TLR4: variants seen among roughly 807,000 people sequenced by gnomAD.
The protein encoded by TLR4 is toll-like receptor 4.
A neutral mutation model predicts 27.4 loss-of-function variants in TLR4; 17 were observed. The ratio of observed to expected loss-of-function variants is 0.62; its 90% CI spans 0.42 to 0.93. TLR4 has a LOEUF of 0.93. TLR4 is among the 40% of genes least tolerant of loss of function. The pLI is 0.00. For missense variants in TLR4, 926 were observed against 962.3 expected (o/e 0.96, Z 0.50); for synonymous variants, 363 against 365.7 (o/e 0.99, Z 0.08).
chr9:117,708,792 T>C, intron 2 of TLR4, 63 bp downstream of exon 2: 2 of 1,602,380 alleles, frequency 1.2e-6, no homozygotes, highest in Non-Finnish European at 1.7e-6. Context: ...CATTTCATTA[T>C]TGGACTGGAA....
rs1458558039 is a variant in TLR4, at chr9:117,708,559, G to A, written c.94-4G>A. On this transcript the variant is annotated splice_region_variant and splice_polypyrimidine_tract_variant and intron_variant, in intron 1 of 2. Transcript: ENST00000355622. Reference sequence around the variant, plus strand: ...ATACTTCATGTCATGTGTAATCATTGCAGGTGGTTCCTAATATTACTTATC... The same window carrying A: ...ATACTTCATGTCATGTGTAATCATTACAGGTGGTTCCTAATATTACTTATC... The A allele has an allele frequency of 2.5e-6, 4 of 1,613,580 alleles. No individual in the cohort carries two copies. Among genetic ancestry groups the A allele is most frequent in the African/African-American group, 1.3e-5 (1 of 74,894 alleles).
In TLR4 at chr9:117,712,856, T is replaced by A; in HGVS notation, c.728T>A (p.Met243Lys). Residue 243 changes from methionine (M) to lysine (K), a missense_variant, in exon 3 of 3, where the codon ATG becomes AAG. By Grantham distance (95) the Met-to-Lys change is moderately conservative (BLOSUM62 -1). Transcript: ENST00000355622. ...AATAATTTTGATAGTTTAAATGTAA[T>A]GAAAACTTGTATTCAAGGTCTGGCT... ...LRNNFDSLNVMKTCIQGLAGL... is the reference protein window; with the variant it reads ...LRNNFDSLNVKKTCIQGLAGL... The A allele has an allele frequency of 1.9e-6, 3 of 1,614,042 alleles. No homozygotes were observed. The highest frequency in any genetic ancestry group is 2.5e-6 in the Non-Finnish European group (3 of 1,179,978).
Position 117,715,678 on chromosome 9 carries a change from T to G in TLR4, c.*1030T>G, listed in dbSNP as rs1225565556. The G allele has an allele frequency of 6.6e-6, 1 of 152,162 alleles. No homozygotes were observed. The highest frequency in any genetic ancestry group is 1.5e-5 in the Non-Finnish European group (1 of 68,040). The allele number at this position is 152,162 out of a possible 1,614,324, so 9.4% of individuals were successfully genotyped here. The stretch of plus-strand genomic sequence containing the variant: ...GAGTTGCAGCAGAAGTTTATTTTTT[T>G]CAGAACAAGTGATGTTTGATGGACC... On this transcript the variant is annotated 3_prime_UTR_variant, in exon 3 of 3. Transcript: ENST00000355622.
chr9:117,705,540 C>T (rs902832408), intron 1 of TLR4, among the ~76,000 whole-genome samples: 7 of 152,254 alleles, frequency 4.6e-5, no homozygotes, highest in African/African-American at 9.6e-5. Flanking sequence ...AGGCTCACTG[C>T]GAGATAAAAC....
At position 117,704,519 on chromosome 9, in the gene TLR4, C is replaced by T; in HGVS notation, c.47C>T (p.Ala16Val). 21 of 1,613,874 alleles carry T rather than the reference C, an allele frequency of 1.3e-5. No individual in the cohort carries two copies. The highest frequency in any genetic ancestry group is 1.8e-5 in the Non-Finnish European group (21 of 1,179,954). Residue 16 changes from alanine to valine, a missense_variant, in exon 1 of 3, where the codon GCC becomes GTC. Ala to Val is a moderately conservative substitution (Grantham distance 64). Transcript: ENST00000355622. ...RLAGTLIPAM[A>V]FLSCVRPESW... ...GCTGGGACTCTGATCCCAGCCATGG[C>T]CTTCCTCTCCTGCGTGAGACCAGAA...
rs758304133 is a variant in TLR4, at chr9:117,713,531, A to G, written c.1403A>G (p.Asn468Ser). 2 of 1,614,108 alleles carry G rather than the reference A, an allele frequency of 1.2e-6. No homozygotes were observed. Among genetic ancestry groups the G allele is most frequent in the Non-Finnish European group, 1.7e-6 (2 of 1,180,020 alleles). Residue 468 changes from asparagine (N) to serine (S), a missense_variant, in exon 3 of 3, where the codon AAT becomes AGT. Coordinates refer to ENST00000355622, the MANE Select transcript of TLR4 (RefSeq NM_138554.5). The stretch of plus-strand genomic sequence containing the variant: ...AGAGTTGCTTTCAATGGCATCTTCA[A>G]TGGCTTGTCCAGTCTCGAAGTCTTG... ...HTRVAFNGIF[N>S]GLSSLEVLKM...
In TLR4 at chr9:117,723,023, A is replaced by G. The variant is rs1395051932; in HGVS notation, c.*8375A>G. On this transcript the variant is annotated 3_prime_UTR_variant, in exon 3 of 3. Coordinates refer to ENST00000355622, the MANE Select transcript of TLR4 (RefSeq NM_138554.5). The stretch of plus-strand genomic sequence containing the variant: ...TTGGAAAAATTTTGAAGGTGTCACA[A>G]GAAAGATTGGCAGTCAGAAAGGAAT... The G allele has an allele frequency of 6.6e-6, 1 of 152,234 alleles. No homozygotes were observed. The highest frequency in any genetic ancestry group is 1.5e-5 in the Non-Finnish European group (1 of 68,044). 9.4% of individuals were successfully genotyped at this position (152,234 alleles called of 1,614,324 possible).
At chr9:117,707,335 G>A (rs1829151163) in intron 1 of TLR4, among the ~76,000 whole-genome samples, 1 of 152,126 alleles carries the variant, frequency 6.6e-6, no homozygotes, top group African/African-American at 2.4e-5. Context: ...ATCTTTAAAT[G>A]CTTATTTGAA....
In TLR4 at chr9:117,717,932, C is replaced by A. The variant is rs11536898; in HGVS notation, c.*3284C>A. On this transcript the variant is annotated 3_prime_UTR_variant, in exon 3 of 3. Coordinates refer to ENST00000355622, the MANE Select transcript of TLR4 (RefSeq NM_138554.5). ...AAGAAAGAGTAAAGTCAGGCCTCAGCCAGCCTCTTTTTAGCTCTTTAAATC... is the reference window on the plus strand; with the variant it reads ...AAGAAAGAGTAAAGTCAGGCCTCAGACAGCCTCTTTTTAGCTCTTTAAATC... 21,573 of 152,054 alleles carry A rather than the reference C, an allele frequency of 0.14. 1,682 individuals are homozygous for A. The highest frequency in any genetic ancestry group is 0.21 in the African/African-American group (8,515 of 41,460). 9.4% of individuals were successfully genotyped at this position (152,054 alleles called of 1,614,324 possible).
rs1416070908 is a variant in TLR4 at position 117,722,789 on chromosome 9, T to C, written c.*8141T>C. On this transcript the variant is annotated 3_prime_UTR_variant, in exon 3 of 3. Coordinates refer to ENST00000355622, the MANE Select transcript of TLR4 (RefSeq NM_138554.5). Reference sequence around the variant, plus strand: ...GATCAGCATTTTCAAAAGTGTGACATGTTAGTAAATAAGATGATTTTATGT... The same window carrying C: ...GATCAGCATTTTCAAAAGTGTGACACGTTAGTAAATAAGATGATTTTATGT... 1 of 152,182 alleles carries C rather than the reference T, an allele frequency of 6.6e-6. No individual in the cohort carries two copies. Among genetic ancestry groups the C allele is most frequent in the Non-Finnish European group, 1.5e-5 (1 of 68,034 alleles). The allele number at this position is 152,182 out of a possible 1,614,324, so 9.4% of individuals were successfully genotyped here.
In TLR4 at chr9:117,723,654, G is replaced by T. The variant is rs949224041; in HGVS notation, c.*9006G>T. The T allele has an allele frequency of 2.0e-5, 3 of 152,070 alleles. No homozygotes were observed. The highest frequency in any genetic ancestry group is 4.4e-5 in the Non-Finnish European group (3 of 68,004). 9.4% of individuals were successfully genotyped at this position (152,070 alleles called of 1,614,324 possible). A position where few individuals can be genotyped will look rare whatever the true frequency, so the allele number is the denominator to read the frequency against. ...CTTTTGCCCCATGTTATAAACTCAA[G>T]AATATCTTCCATTTTGCCTACATAT... On this transcript the variant is annotated 3_prime_UTR_variant, in exon 3 of 3. Coordinates refer to ENST00000355622, the MANE Select transcript of TLR4 (RefSeq NM_138554.5).
At chr9:117,708,797 C>A in intron 2 of TLR4, 68 bp downstream of exon 2, 1 of 1,595,878 alleles carries the variant, frequency 6.3e-7, no homozygotes, top group Non-Finnish European at 8.6e-7. Context: ...CATTATTGGA[C>A]TGGAAAGCTT....
rs981483029 is a variant in TLR4, at chr9:117,708,639, A to G, written c.170A>G (p.Lys57Arg). 5.6e-6 allele frequency: 9 copies of G among 1,614,006 alleles called. No homozygotes were observed. The highest frequency in any genetic ancestry group is 3.3e-5 in the South Asian group (3 of 91,082). ...CCCGACAACCTCCCCTTCTCAACCA[A>G]GAACCTGGACCTGAGCTTTAATCCC... ...KIPDNLPFSTKNLDLSFNPLR... is the reference protein window; with the variant it reads ...KIPDNLPFSTRNLDLSFNPLR... The change falls in exon 2 of 3, where the codon AAG becomes AGG. Residue 57 changes from lysine to arginine, a missense_variant. Transcript: ENST00000355622.
At chr9:117,711,587 A>AT (rs1410786381) in intron 2 of TLR4, among the ~76,000 whole-genome samples, 1 of 152,052 alleles carries the variant, frequency 6.6e-6, no homozygotes, top group Non-Finnish European at 1.5e-5. Context: ...CATGGAAGCT[A>AT]TTTGTCATGA....
At chr9:117,708,080 G>A (rs1413088) in intron 1 of TLR4, 512,717 of 520,418 alleles carry the variant, frequency 0.99, 253,043 homozygotes, top group East Asian at 1. Flanking sequence ...CAATTTTAGT[G>A]TATGTGCTAC....
rs1194292799 is a variant in TLR4, at chr9:117,713,491, T to A, written c.1363T>A (p.Ser455Thr). Residue 455 changes from serine (S) to threonine (T), a missense_variant, in exon 3 of 3, where the codon TCT becomes ACT. Transcript: ENST00000355622. ...CAGAAACCTCATTTACCTTGACATTTCTCATACTCACACCAGAGTTGCTTT... is the reference window on the plus strand; with the variant it reads ...CAGAAACCTCATTTACCTTGACATTACTCATACTCACACCAGAGTTGCTTT... ...SLRNLIYLDI[S>T]HTHTRVAFNG... 6.2e-7 allele frequency: 1 copy of A among 1,614,094 alleles called. No individual in the cohort carries two copies. Among genetic ancestry groups the A allele is most frequent in the Admixed American group, 1.7e-5 (1 of 60,004 alleles).
rs199930089 is a variant in TLR4 at position 117,714,271 on chromosome 9, G to A, written c.2143G>A (p.Gly715Ser). The change falls in exon 3 of 3, where the codon GGT becomes AGT. Residue 715 changes from glycine to serine, a missense_variant. By Grantham distance (56) the Gly-to-Ser change is moderately conservative. Transcript: ENST00000355622. ...LCLHYRDFIPGVAIAANIIHE... is the reference protein window; with the variant it reads ...LCLHYRDFIPSVAIAANIIHE... ...CCTTCACTACAGAGACTTTATTCCCGGTGTGGCCATTGCTGCCAACATCAT... is the reference window on the plus strand; with the variant it reads ...CCTTCACTACAGAGACTTTATTCCCAGTGTGGCCATTGCTGCCAACATCAT... 74 of 1,595,260 alleles carry A rather than the reference G, an allele frequency of 4.6e-5. No individual in the cohort carries two copies. The East Asian group carries it at 7.0e-4, about 15-fold the overall frequency.
Position 117,714,827 on chromosome 9 carries a change from A to G in TLR4, c.*179A>G. On this transcript the variant is annotated 3_prime_UTR_variant, in exon 3 of 3. Coordinates refer to ENST00000355622, the MANE Select transcript of TLR4 (RefSeq NM_138554.5). The stretch of plus-strand genomic sequence containing the variant: ...GGAGCTTCCAGTGCAGAGGGAATAA[A>G]TGCTAGACTAAAATACAGAGTCTTC... 1 of 648,310 alleles carries G rather than the reference A, an allele frequency of 1.5e-6. No homozygotes were observed. Among genetic ancestry groups the G allele is most frequent in the Non-Finnish European group, 2.7e-6 (1 of 367,174 alleles). 40.2% of individuals were successfully genotyped at this position (648,310 alleles called of 1,614,324 possible). A position where few individuals can be genotyped will look rare whatever the true frequency, so the allele number is the denominator to read the frequency against.
chr9:117,713,686 T>A lies in TLR4; in HGVS notation c.1558T>A (p.Ser520Thr). Residue 520 changes from serine to threonine, a missense_variant, in exon 3 of 3, where the codon TCC (serine) becomes ACC (threonine). Coordinates refer to ENST00000355622, the MANE Select transcript of TLR4 (RefSeq NM_138554.5). The part of the protein sequence containing the change: ...QLSPTAFNSL[S>T]SLQVLNMSHN... ...GTCTCCAACAGCATTTAACTCACTC[T>A]CCAGTCTTCAGGTACTAAATATGAG... The A allele has an allele frequency of 4.3e-6, 7 of 1,614,010 alleles. No homozygotes were observed. The highest frequency in any genetic ancestry group is 5.9e-6 in the Non-Finnish European group (7 of 1,179,996).
Sources: gnomAD v4.1 joint callset for allele counts (sites outside exome capture counted in the v4.1 genomes callset) on GRCh38, gnomAD v4.1.1 for gene constraint, MANE v1.5 for transcripts, NCBI Gene and HGNC (gene_info 2026-07-23, HGNC 2026-07-21) for gene names.